The following TNNI3K variants were observed in gnomAD, a reference collection of about 807,000 sequenced individuals.
TNNI3K encodes the protein serine/threonine-protein kinase TNNI3K.
TNNI3K carries 140 observed loss-of-function variants against 114.5 expected under a neutral mutation model. The ratio of observed to expected loss-of-function variants is 1.22; its 90% CI spans 1.07 to 1.41. The LOEUF (loss-of-function observed/expected upper bound fraction) is 1.41, where lower values mean the gene tolerates loss of function less well. TNNI3K is among the 40% of genes most tolerant of loss of function. The probability of loss-of-function intolerance (pLI) is 0.00; values close to 1 mark genes in which losing one functional copy is unlikely to be tolerated. For missense variants in TNNI3K, 1,125 were observed against 1,007.6 expected (o/e 1.12, Z -1.58); for synonymous variants, 347 against 347.5 (o/e 1.00, Z 0.02).
At chr1:74,319,551 G>A (rs1378001238) in intron 5 of TNNI3K, among the ~76,000 whole-genome samples, 1 of 152,092 alleles carries the variant, frequency 6.6e-6, no homozygotes, top group Admixed American at 6.6e-5. Flanking sequence ...CGAAGATATG[G>A]ACTCCATTAC....
In TNNI3K at chr1:74,396,609, G is replaced by A. The variant is rs1483263876; in HGVS notation, c.1772+26217G>A. On this transcript the variant is annotated intron_variant, in intron 17 of 24. Coordinates refer to ENST00000326637, the MANE Select transcript of TNNI3K (RefSeq NM_015978.3). ...CATTTGGGAGAGACAGCATCCGCCCGGGCAAGGAGTCCTGCCAGCTGAGCA... is the reference window on the plus strand; with the variant it reads ...CATTTGGGAGAGACAGCATCCGCCCAGGCAAGGAGTCCTGCCAGCTGAGCA... Among the ~76,000 whole-genome samples the A allele has an allele frequency of 5.3e-5, 8 of 152,162 alleles. No individual in the cohort carries two copies. The East Asian group carries it at 5.8e-4, about 11-fold the overall frequency.
chr1:74,528,295 G>T (rs562563342), intron 23 of TNNI3K, among the ~76,000 whole-genome samples: 32 of 152,254 alleles, frequency 2.1e-4, no homozygotes, highest in African/African-American at 7.5e-4. Context: ...CCTGAGCAGG[G>T]TGAGGAGGGC....
chr1:74,302,399 CAT>C (rs953589665), intron 5 of TNNI3K, among the ~76,000 whole-genome samples: 3 of 152,154 alleles, frequency 2.0e-5, no homozygotes, highest in African/African-American at 4.8e-5. Flanking sequence ...GGAAAAATCA[CAT>C]GTCTCTCACT....
At chr1:74,348,555 G>A (rs1661149918) in intron 9 of TNNI3K, among the ~76,000 whole-genome samples, 1 of 152,194 alleles carries the variant, frequency 6.6e-6, no homozygotes, top group East Asian at 1.9e-4. Flanking sequence ...GTAGCTTGAT[G>A]GAGATACTAT....
intron 20 of TNNI3K, among the ~76,000 whole-genome samples, chr1:74,449,821 C>T (rs1666904582): frequency 1.3e-5 from 2 of 150,670 alleles, no homozygotes; most frequent in South Asian, 4.3e-4. Context: ...TTTTAACACC[C>T]CACTGTCAAC....
At chr1:74,422,009 T>G (rs528476000) in intron 17 of TNNI3K, among the ~76,000 whole-genome samples, 5 of 150,438 alleles carry the variant, frequency 3.3e-5, no homozygotes, top group African/African-American at 1.2e-4. Flanking sequence ...TTAGATTTTT[T>G]CAGCACAATT....
intron 23 of TNNI3K, among the ~76,000 whole-genome samples, chr1:74,532,748 A>G (rs1557632370): frequency 6.6e-6 from 1 of 152,032 alleles, no homozygotes; most frequent in Non-Finnish European, 1.5e-5. Context: ...CAGAGCCCTC[A>G]GAAATAATGC....
chr1:74,246,193 A>G (rs552362699), intron 2 of TNNI3K, among the ~76,000 whole-genome samples: 35 of 152,358 alleles, frequency 2.3e-4, no homozygotes, highest in Non-Finnish European at 3.5e-4. Flanking sequence ...ACAAAATAAC[A>G]TGATTCTTAG....
chr1:74,469,472 A>T (rs903355560), intron 21 of TNNI3K: 1 of 154,896 alleles, frequency 6.5e-6, no homozygotes, highest in Non-Finnish European at 1.4e-5. Context: ...AGAAAGCAAT[A>T]TTGTAATACC....
intron 17 of TNNI3K, among the ~76,000 whole-genome samples, chr1:74,381,932 A>C (rs1179171087): frequency 6.6e-6 from 1 of 152,222 alleles, no homozygotes; most frequent in Non-Finnish European, 1.5e-5. Flanking sequence ...GGCACATTCC[A>C]GAGACTAAAA....
intron 3 of TNNI3K, among the ~76,000 whole-genome samples, chr1:74,249,761 C>T (rs898584464): frequency 2.6e-5 from 4 of 152,044 alleles, no homozygotes; most frequent in Non-Finnish European, 5.9e-5. Flanking sequence ...GTGTTGCTAC[C>T]GGAAACCAAG....
chr1:74,286,213 C>A (rs1020176898), intron 5 of TNNI3K, among the ~76,000 whole-genome samples: 25 of 152,188 alleles, frequency 1.6e-4, no homozygotes, highest in Non-Finnish European at 3.2e-4. Flanking sequence ...AACTTCATTG[C>A]AGGCCCCAGC....
At chr1:74,528,484 G>A (rs1646537062) in intron 23 of TNNI3K, among the ~76,000 whole-genome samples, 2 of 152,148 alleles carry the variant, frequency 1.3e-5, no homozygotes. Context: ...GGATATTTGT[G>A]TGTGTGTTGG....
At chr1:74,460,485 A>T (rs1193362291) in intron 20 of TNNI3K, among the ~76,000 whole-genome samples, 1 of 152,262 alleles carries the variant, frequency 6.6e-6, no homozygotes, top group African/African-American at 2.4e-5. Context: ...TAATATTTTT[A>T]AATTTAGCTT....
At chr1:74,484,541 G>A (rs951930244) in intron 21 of TNNI3K, among the ~76,000 whole-genome samples, 1 of 152,128 alleles carries the variant, frequency 6.6e-6, no homozygotes, top group East Asian at 1.9e-4. Flanking sequence ...GCATTGACTC[G>A]AGGGCTCTAA....
chr1:74,440,864 T>C (rs1183604058), intron 20 of TNNI3K, among the ~76,000 whole-genome samples: 1 of 152,150 alleles, frequency 6.6e-6, no homozygotes, highest in Non-Finnish European at 1.5e-5. Flanking sequence ...TTGATGGATA[T>C]ACAGAAAATT....
intron 21 of TNNI3K, chr1:74,475,911 G>T (rs1668183349): frequency 4.1e-6 from 2 of 491,774 alleles, no homozygotes; most frequent in Non-Finnish European, 7.3e-6. Context: ...TGGCTTGAAA[G>T]ATATCAGAAT....
chr1:74,249,180 C>T (rs752624890), intron 2 of TNNI3K, among the ~76,000 whole-genome samples: 11 of 151,460 alleles, frequency 7.3e-5, no homozygotes, highest in South Asian at 4.2e-4. Flanking sequence ...CCACTAAATT[C>T]GCTATTGTGA....
intron 5 of TNNI3K, among the ~76,000 whole-genome samples, chr1:74,279,167 T>A (rs944494419): frequency 1.3e-5 from 2 of 152,110 alleles, no homozygotes; most frequent in African/African-American, 2.4e-5. Context: ...AGTGGCTAAA[T>A]GGGGTATCTT....
Sources: allele counts gnomAD v4.1 joint callset (sites outside exome capture counted in the v4.1 genomes callset), GRCh38; gene constraint gnomAD v4.1.1; transcripts MANE v1.5; gene names NCBI Gene and HGNC (gene_info 2026-07-23, HGNC 2026-07-21).